Variants in HRH1 observed in about 807,000 individuals in gnomAD.
HRH1 encodes histamine receptor H1.
In HRH1, 6 loss-of-function variants were observed where a neutral mutation model predicts 10.3. The ratio of observed to expected loss-of-function variants is 0.58; its 90% CI spans 0.32 to 1.15. The LOEUF is 1.15. Among genes scored for constraint, HRH1 ranks in the 50% most tolerant of loss-of-function variants. The pLI, the probability that HRH1 is intolerant of heterozygous loss-of-function variation, is 0.05. For missense variants in HRH1, 514 were observed against 615.3 expected (o/e 0.84, Z 1.74); for synonymous variants, 242 against 236.7 (o/e 1.02, Z -0.21).
chr3:11,171,396 G>A (rs55760809), intron 1 of HRH1, among the ~76,000 whole-genome samples: 3,006 of 152,186 alleles, frequency 0.02, 100 homozygotes, highest in African/African-American at 0.066. Flanking sequence ...GATTACAGGC[G>A]TAAGCTACTG....
intron 1 of HRH1, among the ~76,000 whole-genome samples, chr3:11,148,226 G>T (rs1375591849): frequency 6.7e-6 from 1 of 149,948 alleles, no homozygotes; most frequent in Non-Finnish European, 1.5e-5. Context: ...TCTCAATCCT[G>T]CCCATCTCAC....
chr3:11,209,668 GC>G (rs11328975), intron 1 of HRH1, among the ~76,000 whole-genome samples: 35,996 of 152,112 alleles, frequency 0.24, 4,355 homozygotes, highest in South Asian at 0.37. Flanking sequence ...AGATCAGGGT[GC>G]CACCATGGCC....
rs1469181781 is a variant in HRH1 at position 11,261,822 on chromosome 3, G to A, written c.*1321G>A. 6.2e-6 allele frequency: 1 copy of A among 160,594 alleles called. No individual in the cohort carries two copies. Among genetic ancestry groups the A allele is most frequent in the East Asian group, 1.9e-4 (1 of 5,178 alleles). 9.9% of individuals were successfully genotyped at this position (160,594 alleles called of 1,614,324 possible). A position where few individuals can be genotyped will look rare whatever the true frequency, so the allele number is the denominator to read the frequency against. On this transcript the variant is annotated 3_prime_UTR_variant, in exon 2 of 2. Transcript: ENST00000431010. ...ACTGCACTCCAGCCTGGGCAACAGA[G>A]CAAGACTCTGTCTCAAAAAAAAAAA... is the stretch of plus-strand genomic sequence containing the variant.
chr3:11,158,880 C>A (rs901604554), intron 1 of HRH1, among the ~76,000 whole-genome samples: 2 of 152,198 alleles, frequency 1.3e-5, no homozygotes, highest in Non-Finnish European at 1.5e-5. Context: ...AGTTTTGTTT[C>A]TTCCTCTCTA....
intron 1 of HRH1, chr3:11,253,243 A>T (rs112509273): frequency 6.6e-6 from 1 of 152,220 alleles, no homozygotes; most frequent in East Asian, 1.9e-4. Flanking sequence ...TTTAGGTCCC[A>T]CTTCTAAATT....
chr3:11,221,251 G>A (rs1938701412), intron 1 of HRH1, among the ~76,000 whole-genome samples: 1 of 152,020 alleles, frequency 6.6e-6, no homozygotes, highest in Non-Finnish European at 1.5e-5. Context: ...TTTAATTGTG[G>A]TAAAATATCT....
intron 1 of HRH1, among the ~76,000 whole-genome samples, chr3:11,206,142 T>C (rs1183485650): frequency 1.3e-5 from 2 of 152,006 alleles, no homozygotes; most frequent in African/African-American, 4.8e-5. Flanking sequence ...TGAGACAGGG[T>C]CTTGCTCTGT....
intron 1 of HRH1, among the ~76,000 whole-genome samples, chr3:11,168,583 C>T (rs563356895): frequency 4.6e-5 from 7 of 152,346 alleles, no homozygotes; most frequent in South Asian, 2.1e-4. Context: ...GCACTGCCGC[C>T]GCACAATGCC....
At position 11,259,683 on chromosome 3, in the gene HRH1, G is replaced by T. The variant is rs766424758; in HGVS notation, c.646G>T (p.Ala216Ser). ...CTGGTTCTATGCCAAGATCTACAAG[G>T]CCGTACGACAACACTGCCAGCACCG... Reference protein sequence around the residue: ...MLWFYAKIYKAVRQHCQHREL... With the variant: ...MLWFYAKIYKSVRQHCQHREL... Residue 216 changes from alanine (A) to serine (S), a missense_variant, in exon 2 of 2, where the codon GCC (alanine) becomes TCC (serine). Ala to Ser is a moderately conservative substitution (Grantham distance 99). Transcript: ENST00000431010. The surrounding 1 kb of genome is among the most constrained non-coding windows in gnomAD (Gnocchi z 4.6). 12 of 1,613,950 alleles carry T rather than the reference G, an allele frequency of 7.4e-6. No homozygotes were observed. Among genetic ancestry groups the T allele is most frequent in the Non-Finnish European group, 9.3e-6 (11 of 1,180,040 alleles).
upstream of HRH1, among the ~76,000 whole-genome samples, chr3:11,150,585 C>T (rs889661175): frequency 6.6e-6 from 1 of 152,226 alleles, no homozygotes; most frequent in African/African-American, 2.4e-5. Context: ...TTGTGATTTT[C>T]CCATCTCCTC....
In HRH1 at chr3:11,205,726, A is replaced by G. The variant is rs372904040; in HGVS notation, c.-36+51172A>G. On this transcript the variant is annotated intron_variant, in intron 1 of 1. Coordinates refer to ENST00000431010, the MANE Select transcript of HRH1 (RefSeq NM_001098212.2). ...GCCCAGGCTGGAGTGCAGCGGCACT[A>G]TCTCGGCTCACTGTAACCTCCGCCT... 1.3e-4 allele frequency among the ~76,000 whole-genome samples: 20 copies of G among 149,714 alleles called. No homozygotes were observed. In the East Asian group the frequency reaches 3.4e-3, roughly 25 times the overall value.
chr3:11,183,006 G>T (rs559322746), intron 1 of HRH1, among the ~76,000 whole-genome samples: 4 of 152,222 alleles, frequency 2.6e-5, no homozygotes, highest in African/African-American at 9.6e-5. Flanking sequence ...TATCAGAAAT[G>T]TTCTAATAAC....
intron 1 of HRH1, among the ~76,000 whole-genome samples, chr3:11,213,830 G>A (rs1938406073): frequency 6.6e-6 from 1 of 152,314 alleles, no homozygotes; most frequent in African/African-American, 2.4e-5. Flanking sequence ...CTCGATAAAC[G>A]GTGGCTGCCC....
intron 1 of HRH1, among the ~76,000 whole-genome samples, chr3:11,187,652 C>A (rs3898834): frequency 0.19 from 29,548 of 151,980 alleles, 3,231 homozygotes; most frequent in Admixed American, 0.32. Flanking sequence ...CTTATGCATG[C>A]AGGAACAGGA....
chr3:11,263,061 G>A lies in HRH1; in HGVS notation c.*2560G>A, dbSNP rs188400555. 10 of 167,172 alleles carry A rather than the reference G, an allele frequency of 6.0e-5. No homozygotes were observed. Among genetic ancestry groups the A allele is most frequent in the South Asian group, 4.1e-4 (2 of 4,822 alleles). The allele number at this position is 167,172 out of a possible 1,614,324, so 10.4% of individuals were successfully genotyped here. A position where few individuals can be genotyped will look rare whatever the true frequency, so the allele number is the denominator to read the frequency against. Reference sequence around the variant, plus strand: ...CCCAGAGAGATTGAGGAACTGCTCCGAGGTCTGATTCTGGAATGTGCTTCC... The same window carrying A: ...CCCAGAGAGATTGAGGAACTGCTCCAAGGTCTGATTCTGGAATGTGCTTCC... On this transcript the variant is annotated 3_prime_UTR_variant, in exon 2 of 2. Transcript: ENST00000431010.
chr3:11,199,542 T>C (rs1937817494), intron 1 of HRH1, among the ~76,000 whole-genome samples: 1 of 152,144 alleles, frequency 6.6e-6, no homozygotes, highest in African/African-American at 2.4e-5. Flanking sequence ...GCCTCCCCAG[T>C]GCTCTCACAG....
chr3:11,237,382 A>G (rs1383252076), intron 1 of HRH1, among the ~76,000 whole-genome samples: 1 of 152,128 alleles, frequency 6.6e-6, no homozygotes, highest in Non-Finnish European at 1.5e-5. Context: ...GAGTATGTGA[A>G]GTTCACTGGA....
intron 1 of HRH1, among the ~76,000 whole-genome samples, chr3:11,245,969 ACACT>A: frequency 6.6e-6 from 1 of 151,680 alleles, no homozygotes; most frequent in East Asian, 1.9e-4. Flanking sequence ...TCATACACAC[ACACT>A]CATGTACTCA....
chr3:11,203,261 T>C (rs2125028910), intron 1 of HRH1, among the ~76,000 whole-genome samples: 1 of 152,294 alleles, frequency 6.6e-6, no homozygotes, highest in South Asian at 2.1e-4. Context: ...AAGTCTTGGG[T>C]AAACACCAAG....
Sources: allele counts gnomAD v4.1 joint callset (sites outside exome capture counted in the v4.1 genomes callset), GRCh38; gene constraint gnomAD v4.1.1; non-coding constraint Gnocchi (gnomAD v3.1); transcripts MANE v1.5; gene names NCBI Gene and HGNC (gene_info 2026-07-23, HGNC 2026-07-21).